SETD2: variants seen among roughly 807,000 people sequenced by gnomAD.
SETD2 encodes the protein histone-lysine N-methyltransferase SETD2.
In SETD2, 31 loss-of-function variants were observed where a neutral mutation model predicts 242.1. The observed-to-expected ratio is 0.13, with a 90% CI of 0.10 to 0.17. SETD2 has a LOEUF of 0.17. Ranked by LOEUF, SETD2 falls within the 10% of genes least tolerant of loss-of-function variation. The probability of loss-of-function intolerance (pLI) is 1.00; values close to 1 mark genes in which losing one functional copy is unlikely to be tolerated. For synonymous variants in SETD2, 1,006 were observed against 1,066.5 expected (o/e 0.94, Z 1.11); for missense variants, 2,481 against 3,046.3 (o/e 0.81, Z 4.37).
Position 47,017,011 on chromosome 3 carries a change from G to A in SETD2, c.*82C>T, listed in dbSNP as rs564249429. On this transcript the variant is annotated 3_prime_UTR_variant, in exon 21 of 21. Transcript: ENST00000409792. The surrounding 1 kb of genome is among the most constrained non-coding windows in gnomAD (Gnocchi z 4.8). ...CATCAGTAGCACAGTGCTGACAGGG[G>A]TGGGACAGAAAGGCCCACAGGATTT... The A allele has an allele frequency of 2.9e-6, 4 of 1,356,728 alleles. No individual in the cohort carries two copies. Among genetic ancestry groups the A allele is most frequent in the Admixed American group, 1.7e-5 (1 of 57,758 alleles). The allele number at this position is 1,356,728 out of a possible 1,614,324, so 84.0% of individuals were successfully genotyped here.
chr3:47,060,930 A>G (rs1446805622), intron 14 of SETD2, among the ~76,000 whole-genome samples: 1 of 152,202 alleles, frequency 6.6e-6, no homozygotes, highest in East Asian at 1.9e-4. Flanking sequence ...CATATAAGAT[A>G]CTTCACAGAA....
In SETD2 at chr3:47,122,166, A is replaced by C. The variant is rs1406422286; in HGVS notation, c.2470T>G (p.Phe824Val). ...PSVMKISSNS[F>V]MNVHLESKPV... is the part of the protein sequence containing the mutation. ...TTTGATTCCAAATGCACATTCATAA[A>C]GCTATTTGAAGAAATCTTCATAACT... The change falls in exon 3 of 21, where the codon TTT becomes GTT. Residue 824 changes from phenylalanine (F) to valine (V), a missense_variant. Physicochemically the swap from Phe to Val is conservative, Grantham distance 50 (BLOSUM62 -1). Around this residue, in one of 17 missense-constraint regions of SETD2, gnomAD observed 1,300 missense variants for 1,259.2 expected, o/e 1.03. Transcript: ENST00000409792. 2 of 1,613,872 alleles carry C rather than the reference A, an allele frequency of 1.2e-6. No individual in the cohort carries two copies. Among genetic ancestry groups the C allele is most frequent in the Non-Finnish European group, 1.7e-6 (2 of 1,179,924 alleles).
intron 5 of SETD2, 105 bp from the exon 6 acceptor site, chr3:47,106,225 A>G (rs2107697823): frequency 1.0e-6 from 1 of 957,236 alleles, no homozygotes; most frequent in Non-Finnish European, 1.5e-6. Flanking sequence ...TGCAATGTGG[A>G]TAAATTCAGT....
At chr3:47,116,992 G>A (rs1431385738) in intron 3 of SETD2, among the ~76,000 whole-genome samples, 1 of 152,060 alleles carries the variant, frequency 6.6e-6, no homozygotes, top group Non-Finnish European at 1.5e-5. Context: ...CACAGCTCAT[G>A]CCACCACGCT....
intron 5 of SETD2, among the ~76,000 whole-genome samples, chr3:47,111,265 T>C (rs2042640957): frequency 6.6e-6 from 1 of 152,078 alleles, no homozygotes; most frequent in South Asian, 2.1e-4. Flanking sequence ...TGTAACCAAT[T>C]ATTTGTTTAA....
rs2040754404 is a variant in SETD2, at chr3:47,070,085, C to T, written c.6061-2967G>A. Among the ~76,000 whole-genome samples the T allele has an allele frequency of 2.0e-5, 3 of 152,174 alleles. 1 individual carries two copies. Among genetic ancestry groups the T allele is most frequent in the Admixed American group, 6.5e-5 (1 of 15,284 alleles). On this transcript the variant is annotated intron_variant, in intron 12 of 20. Transcript: ENST00000409792. ...TAGTTTCTTTTGCATAATATCTTGG[C>T]ATTATAAGCATTTATTACAAAAATT...
chr3:47,078,549 A>G (rs1290851091), intron 12 of SETD2, among the ~76,000 whole-genome samples: 2 of 75,324 alleles, frequency 2.7e-5, no homozygotes, highest in Admixed American at 1.6e-4. Flanking sequence ...TTTTTTTGCT[A>G]TAAAGGCCAT....
At chr3:47,162,053 T>A (rs572198790) in intron 1 of SETD2, among the ~76,000 whole-genome samples, 1 of 152,290 alleles carries the variant, frequency 6.6e-6, no homozygotes, top group Admixed American at 6.5e-5. Flanking sequence ...CATTCTTGAT[T>A]CCTTCCCCAC....
Position 47,036,587 on chromosome 3 carries a change from A to G in SETD2, c.7350+1079T>C, listed in dbSNP as rs1326509939. On this transcript the variant is annotated intron_variant, in intron 18 of 20. Coordinates refer to ENST00000409792, the MANE Select transcript of SETD2 (RefSeq NM_014159.7). ...TTGAACAGACCAATCACGAAAGCAT[A>G]TGTTATGGGCACTAACAACAGAATG... Among the ~76,000 whole-genome samples, 7 of 152,064 alleles carry G rather than the reference A, an allele frequency of 4.6e-5. No individual in the cohort carries two copies. The East Asian group carries it at 1.4e-3, about 29-fold the overall frequency.
chr3:47,114,916 A>G (rs1292779585), intron 4 of SETD2, among the ~76,000 whole-genome samples: 1 of 151,566 alleles, frequency 6.6e-6, no homozygotes, highest in Non-Finnish European at 1.5e-5. Context: ...GGAAATTACC[A>G]ATCATTTTGA....
intron 13 of SETD2, among the ~76,000 whole-genome samples, chr3:47,063,126 G>A (rs1208283072): frequency 6.6e-6 from 1 of 152,058 alleles, no homozygotes; most frequent in Admixed American, 6.6e-5. Flanking sequence ...TTATAGGCTG[G>A]TTTCATATCT....
chr3:47,057,516 A>G (rs768998716), intron 14 of SETD2, 26 bp from the exon 15 acceptor site: 1 of 1,578,040 alleles, frequency 6.3e-7, no homozygotes, highest in South Asian at 1.1e-5. Context: ...GGACCACAAA[A>G]AGTTGCTCCC....
Position 47,116,737 on chromosome 3 carries a change from T to C in SETD2, c.4472A>G (p.His1491Arg). 6.2e-7 allele frequency: 1 copy of C among 1,600,114 alleles called. No homozygotes were observed. The highest frequency in any genetic ancestry group is 8.6e-7 in the Non-Finnish European group (1 of 1,169,230). The change falls in exon 4 of 21, where the codon CAT becomes CGT. Residue 1491 changes from histidine (H) to arginine (R), a missense_variant. Transcript: ENST00000409792. ...YLTERKKNKS[H>R]RDIKRMQCEC... ...ACACTGCATTCGCTTAATATCTCGA[T>C]GAGATTTATTCTTCTTTCTATTGGG...
intron 18 of SETD2, among the ~76,000 whole-genome samples, chr3:47,031,401 A>C (rs2038764419): frequency 6.6e-6 from 1 of 152,226 alleles, no homozygotes; most frequent in Admixed American, 6.5e-5. Flanking sequence ...CAATTTTGCT[A>C]TGCCAAAACA....
intron 1 of SETD2, among the ~76,000 whole-genome samples, chr3:47,160,620 A>G (rs910603473): frequency 3.3e-5 from 5 of 152,014 alleles, no homozygotes; most frequent in African/African-American, 1.2e-4. Flanking sequence ...AGAACATTCT[A>G]TATCATTTAT....
chr3:47,118,437 A>G (rs1354416267), intron 3 of SETD2, among the ~76,000 whole-genome samples: 2 of 152,144 alleles, frequency 1.3e-5, no homozygotes, highest in African/African-American at 4.8e-5. Context: ...TTTTGAATAT[A>G]TAGGCCAGGC....
chr3:47,126,519 A>G (rs1436710644), intron 2 of SETD2, 129 bp downstream of exon 2: 1 of 504,014 alleles, frequency 2.0e-6, no homozygotes, highest in Non-Finnish European at 3.5e-6. Context: ...ACAAAATTAA[A>G]AACTATTACT....
intron 6 of SETD2, among the ~76,000 whole-genome samples, chr3:47,105,221 C>T (rs2042362156): frequency 6.6e-6 from 1 of 151,916 alleles, no homozygotes; most frequent in Admixed American, 6.6e-5. Context: ...ACCAGCCTGG[C>T]CAACATGGCA....
intron 17 of SETD2, among the ~76,000 whole-genome samples, chr3:47,039,294 A>G (rs2039165623): frequency 6.6e-6 from 1 of 151,956 alleles, no homozygotes; most frequent in Non-Finnish European, 1.5e-5. Context: ...AGCTCACTGC[A>G]ACCTCTGCCT....
Sources: allele counts gnomAD v4.1 joint callset (sites outside exome capture counted in the v4.1 genomes callset), GRCh38; gene constraint gnomAD v4.1.1; regional missense constraint gnomAD v4.1.1; non-coding constraint Gnocchi (gnomAD v3.1); transcripts MANE v1.5; gene names NCBI Gene and HGNC (gene_info 2026-07-23, HGNC 2026-07-21).